IGF2BP1: variants seen among roughly 807,000 people sequenced by gnomAD.
IGF2BP1 encodes the protein insulin like growth factor 2 mRNA binding protein 1.
IGF2BP1 carries 11 observed loss-of-function variants against 74.9 expected under a neutral mutation model. The observed-to-expected ratio is 0.15, with a 90% CI of 0.09 to 0.24. The LOEUF (loss-of-function observed/expected upper bound fraction) is 0.24. IGF2BP1 is among the 10% of genes least tolerant of loss of function. The pLI is 1.00. For missense variants in IGF2BP1, 440 were observed against 757.4 expected (o/e 0.58, Z 4.92); for synonymous variants, 287 against 281.8 (o/e 1.02, Z -0.18).
intron 2 of IGF2BP1, among the ~76,000 whole-genome samples, chr17:49,021,655 G>T (rs1302217499): frequency 6.6e-6 from 1 of 152,204 alleles, no homozygotes; most frequent in Non-Finnish European, 1.5e-5. Flanking sequence ...GGGGCTGGTT[G>T]CTTCATTCTT....
At chr17:49,034,290 G>T (rs1302100930) in intron 5 of IGF2BP1, among the ~76,000 whole-genome samples, 1 of 151,628 alleles carries the variant, frequency 6.6e-6, no homozygotes, top group Non-Finnish European at 1.5e-5. Context: ...GCAATTTTTT[G>T]TATTTTTTAG....
intron 2 of IGF2BP1, among the ~76,000 whole-genome samples, chr17:49,023,734 T>C (rs1598140967): frequency 1.3e-5 from 2 of 152,202 alleles, no homozygotes; most frequent in Non-Finnish European, 1.5e-5. Flanking sequence ...CACTAGAGTT[T>C]TTTTGGACAT....
chr17:49,007,988 A>G (rs1390694253), intron 2 of IGF2BP1, among the ~76,000 whole-genome samples: 2 of 152,110 alleles, frequency 1.3e-5, no homozygotes, highest in Admixed American at 6.5e-5. Flanking sequence ...CCTGACCAAC[A>G]TGGTGAAACC....
intron 6 of IGF2BP1, among the ~76,000 whole-genome samples, chr17:49,038,688 A>G (rs780834484): frequency 5.7e-4 from 86 of 151,904 alleles, no homozygotes; most frequent in Non-Finnish European, 1.1e-3. Context: ...GAGATTCTAT[A>G]ATTTCTCATG....
chr17:49,049,495 A>G lies in IGF2BP1; in HGVS notation c.*51A>G. 4 of 1,506,262 alleles carry G rather than the reference A, an allele frequency of 2.7e-6. No homozygotes were observed. The highest frequency in any genetic ancestry group is 3.7e-6 in the Non-Finnish European group (4 of 1,085,828). The allele number at this position is 1,506,262 out of a possible 1,614,324, so 93.3% of individuals were successfully genotyped here. On this transcript the variant is annotated 3_prime_UTR_variant, in exon 15 of 15. Transcript: ENST00000290341. Reference sequence around the variant, plus strand: ...CCAGGACAACAACGGGCAGAAATCGAGAGTGTGCTCTCCCCGGCAGGCCTG... The same window carrying G: ...CCAGGACAACAACGGGCAGAAATCGGGAGTGTGCTCTCCCCGGCAGGCCTG...
At chr17:49,024,173 C>T (rs1296178449) in intron 2 of IGF2BP1, among the ~76,000 whole-genome samples, 1 of 136,534 alleles carries the variant, frequency 7.3e-6, no homozygotes, top group Non-Finnish European at 1.5e-5. Context: ...TCAAGTGATT[C>T]GCCTGCCTCA....
intron 7 of IGF2BP1, 144 bp from the exon 8 acceptor site, chr17:49,041,234 C>T (rs2042048421): frequency 1.2e-6 from 1 of 828,516 alleles, no homozygotes; most frequent in South Asian, 1.8e-5. Flanking sequence ...ATAAATCATA[C>T]ATATTTTTAA....
In IGF2BP1 at chr17:49,050,527, G is replaced by C. The variant is rs1274193058; in HGVS notation, c.*1083G>C. 6.6e-6 allele frequency: 1 copy of C among 152,132 alleles called. No individual in the cohort carries two copies. Among genetic ancestry groups the C allele is most frequent in the African/African-American group, 2.4e-5 (1 of 41,440 alleles). The allele number at this position is 152,132 out of a possible 1,614,324, so 9.4% of individuals were successfully genotyped here. On this transcript the variant is annotated 3_prime_UTR_variant, in exon 15 of 15. Transcript: ENST00000290341. ...AGGCAGGGGTTGTGGGGCACTCCCA[G>C]CCACGGCACTGTTACCTTGGTGGTG...
intron 2 of IGF2BP1, 79 bp downstream of exon 2, chr17:48,999,248 T>C (rs2041454149): frequency 2.3e-6 from 2 of 852,362 alleles, no homozygotes; most frequent in East Asian, 2.5e-5. Context: ...GTCCATAGCG[T>C]CTCCAGTGGA....
intron 2 of IGF2BP1, among the ~76,000 whole-genome samples, chr17:49,006,745 C>T (rs916671935): frequency 3.3e-5 from 5 of 152,244 alleles, no homozygotes; most frequent in Non-Finnish European, 5.9e-5. Flanking sequence ...GGGATCTGTG[C>T]GTAGGGTGCT....
At chr17:49,033,766 G>A (rs1400142406) in intron 5 of IGF2BP1, among the ~76,000 whole-genome samples, 1 of 152,048 alleles carries the variant, frequency 6.6e-6, no homozygotes, top group Non-Finnish European at 1.5e-5. Context: ...GTCTCCAAGT[G>A]GTAAGCAAGC....
At chr17:49,023,947 C>T (rs1319170238) in intron 2 of IGF2BP1, among the ~76,000 whole-genome samples, 1 of 150,134 alleles carries the variant, frequency 6.7e-6, no homozygotes, top group Non-Finnish European at 1.5e-5. Flanking sequence ...AAACAAGTCT[C>T]ATTCTGTTGC....
At chr17:49,028,996 G>A (rs1271040351) in intron 4 of IGF2BP1, among the ~76,000 whole-genome samples, 2 of 152,020 alleles carry the variant, frequency 1.3e-5, no homozygotes, top group African/African-American at 4.8e-5. Context: ...TAGTAGAGAT[G>A]GGGTTTCACC....
At chr17:48,998,299 G>C (rs1567805997) in intron 1 of IGF2BP1, among the ~76,000 whole-genome samples, 1 of 152,028 alleles carries the variant, frequency 6.6e-6, no homozygotes, top group Non-Finnish European at 1.5e-5. Context: ...GCCGGTGGAC[G>C]CCCCCCCAGC....
chr17:49,009,989 A>T (rs2041597320), intron 2 of IGF2BP1, among the ~76,000 whole-genome samples: 2 of 151,950 alleles, frequency 1.3e-5, no homozygotes, highest in African/African-American at 2.4e-5. Flanking sequence ...CTGAGGCAGG[A>T]GAATTGCTTG....
intron 12 of IGF2BP1, 49 bp from the exon 13 acceptor site, chr17:49,045,841 T>C: frequency 1.9e-6 from 3 of 1,579,136 alleles, no homozygotes; most frequent in Non-Finnish European, 2.6e-6. Context: ...CTTTTCTCTT[T>C]TGTCACAGAT....
intron 2 of IGF2BP1, among the ~76,000 whole-genome samples, chr17:49,019,308 C>A (rs1005570320): frequency 2.6e-5 from 4 of 152,092 alleles, no homozygotes; most frequent in African/African-American, 9.7e-5. Flanking sequence ...GAGCCCAAGC[C>A]CTTGTCTCCT....
chr17:49,036,078 G>GCGGGGTTGACTGGAAGCGAC (rs139927911), intron 5 of IGF2BP1, among the ~76,000 whole-genome samples: 5 of 152,076 alleles, frequency 3.3e-5, no homozygotes, highest in African/African-American at 9.7e-5. Flanking sequence ...GCCAACTGGT[G>GCGGGGTTGACTGGAAGCGAC]CGGGGTTGAC....
Position 48,999,155 on chromosome 17 carries a change from G to T in IGF2BP1, c.222G>T (p.Val74=). The T allele has an allele frequency of 1.6e-6, 2 of 1,245,812 alleles. No individual in the cohort carries two copies. The highest frequency in any genetic ancestry group is 2.2e-6 in the Non-Finnish European group (2 of 917,064). 77.2% of individuals were successfully genotyped at this position (1,245,812 alleles called of 1,614,324 possible). ...QGKRLEIEHS[V]PKKQRSRKIQ... is the part of the protein sequence containing the mutation. ...AACGCTTAGAGATTGAACATTCGGT[G>T]CCCAAAAAACAAAGGTAGGAAAGAG... The change falls in exon 2 of 15, where the codon GTG becomes GTT. Residue 74 remains valine (V), a synonymous_variant. Coordinates refer to ENST00000290341, the MANE Select transcript of IGF2BP1 (RefSeq NM_006546.4).
Sources: allele counts gnomAD v4.1 joint callset (sites outside exome capture counted in the v4.1 genomes callset), GRCh38; gene constraint gnomAD v4.1.1; transcripts MANE v1.5; gene names NCBI Gene and HGNC (gene_info 2026-07-23, HGNC 2026-07-21).